MED13L: variants seen among roughly 807,000 people sequenced by gnomAD.
MED13L encodes mediator of RNA polymerase II transcription subunit 13-like.
A neutral mutation model predicts 220.9 loss-of-function variants in MED13L; 7 were observed. That is an observed-to-expected ratio of 0.03 (90% CI 0.02 to 0.06). The LOEUF is 0.06. MED13L is among the 10% of genes least tolerant of loss of function. The probability of loss-of-function intolerance (pLI) is 1.00; values close to 1 mark genes in which losing one functional copy is unlikely to be tolerated. For synonymous variants in MED13L, 1,011 were observed against 1,015.2 expected, an observed-to-expected ratio of 1.00 and a Z score of 0.08; for missense variants, 1,965 against 2,760.5, an observed-to-expected ratio of 0.71 and a Z score of 6.46.
intron 4 of MED13L, among the ~76,000 whole-genome samples, chr12:116,063,461 T>C (rs1869670753): frequency 2.0e-5 from 3 of 152,166 alleles, no homozygotes; most frequent in Non-Finnish European, 4.4e-5. Context: ...CAGGCTACAG[T>C]GAGCTGTGAT....
At chr12:116,127,813 C>T (rs1274538688) in intron 2 of MED13L, among the ~76,000 whole-genome samples, 1 of 152,182 alleles carries the variant, frequency 6.6e-6, no homozygotes, top group African/African-American at 2.4e-5. Flanking sequence ...ATCGTAGCAT[C>T]CTGCCTCTTA....
intron 2 of MED13L, among the ~76,000 whole-genome samples, chr12:116,151,483 T>G (rs1037073799): frequency 7.2e-5 from 11 of 152,230 alleles, no homozygotes; most frequent in Non-Finnish European, 1.5e-4. Flanking sequence ...AAAACTCCTT[T>G]GTTACAGTGA....
At chr12:116,067,670 G>C (rs1870051440) in intron 4 of MED13L, among the ~76,000 whole-genome samples, 1 of 152,184 alleles carries the variant, frequency 6.6e-6, no homozygotes, top group Admixed American at 6.5e-5. Context: ...TGCTGTAGGA[G>C]TGAAAGGCAC....
At chr12:116,150,408 C>T (rs376505431) in intron 2 of MED13L, among the ~76,000 whole-genome samples, 1 of 152,202 alleles carries the variant, frequency 6.6e-6, no homozygotes, top group Admixed American at 6.5e-5. Flanking sequence ...TTCTACTCTT[C>T]TTGTTACATC....
chr12:116,048,077 AC>A (rs1881945989), intron 4 of MED13L, among the ~76,000 whole-genome samples: 1 of 151,918 alleles, frequency 6.6e-6, no homozygotes, highest in South Asian at 2.1e-4. Flanking sequence ...TGTGTGTCGA[AC>A]TACACCATGC....
chr12:116,070,168 T>C (rs1403809042), intron 4 of MED13L, among the ~76,000 whole-genome samples: 2 of 152,200 alleles, frequency 1.3e-5, no homozygotes, highest in Non-Finnish European at 2.9e-5. Context: ...GCAGGAGCTA[T>C]TATAAGACAG....
chr12:116,131,083 T>C (rs1876028277), intron 2 of MED13L, among the ~76,000 whole-genome samples: 1 of 152,182 alleles, frequency 6.6e-6, no homozygotes, highest in Non-Finnish European at 1.5e-5. Context: ...CAATCTGAAG[T>C]TACAACAACC....
intron 17 of MED13L, 39 bp from the exon 18 acceptor site, chr12:115,987,327 G>GT (rs1454898614): frequency 6.3e-7 from 1 of 1,581,258 alleles, no homozygotes; most frequent in East Asian, 2.3e-5. Flanking sequence ...AGATAAGGGG[G>GT]CTAGCACCCT....
At chr12:116,163,557 G>T (rs1879038957) in intron 2 of MED13L, among the ~76,000 whole-genome samples, 2 of 151,898 alleles carry the variant, frequency 1.3e-5, no homozygotes, top group South Asian at 4.2e-4. Context: ...TAGAGACAGG[G>T]TTTCACCATG....
At chr12:116,194,019 G>T (rs931160827) in intron 2 of MED13L, among the ~76,000 whole-genome samples, 4 of 152,018 alleles carry the variant, frequency 2.6e-5, no homozygotes, top group Admixed American at 2.0e-4. Context: ...AACTTTACCA[G>T]AACCTAAATA....
chr12:116,131,589 C>CTA (rs1241821799), intron 2 of MED13L, among the ~76,000 whole-genome samples: 2 of 152,166 alleles, frequency 1.3e-5, no homozygotes, highest in Non-Finnish European at 2.9e-5. Context: ...ATGAAACTCT[C>CTA]TAGGTTTTAG....
At chr12:116,183,803 GGTGTGTGTGTGTGTGTATGT>G (rs1285236519) in intron 2 of MED13L, among the ~76,000 whole-genome samples, 1 of 110,092 alleles carries the variant, frequency 9.1e-6, no homozygotes, top group Non-Finnish European at 1.9e-5. Context: ...TAGAAAAAAT[GGTGTGTGTGTGTGTGTATGT>G]GTGTGTGTGT....
chr12:116,154,524 T>C (rs900667959), intron 2 of MED13L, among the ~76,000 whole-genome samples: 2 of 152,198 alleles, frequency 1.3e-5, no homozygotes, highest in African/African-American at 4.8e-5. Flanking sequence ...TCCCATGTTG[T>C]GAGATCAAAC....
intron 27 of MED13L, 58 bp downstream of exon 27, chr12:115,970,536 A>G (rs1342998930): frequency 8.3e-6 from 13 of 1,567,830 alleles, no homozygotes; most frequent in Non-Finnish European, 1.1e-5. Context: ...CAGTGATTCC[A>G]TACTCCGGCT....
intron 2 of MED13L, among the ~76,000 whole-genome samples, chr12:116,114,377 C>A (rs1874344736): frequency 6.6e-6 from 1 of 152,186 alleles, no homozygotes; most frequent in Non-Finnish European, 1.5e-5. Flanking sequence ...TGAGCATGCA[C>A]AGGCAATGCC....
intron 2 of MED13L, among the ~76,000 whole-genome samples, chr12:116,217,177 CAT>C (rs1250079811): frequency 2.0e-5 from 3 of 152,152 alleles, no homozygotes; most frequent in Admixed American, 6.5e-5. Flanking sequence ...CAGCATGACA[CAT>C]GAGCATGACC....
intron 1 of MED13L, among the ~76,000 whole-genome samples, chr12:116,245,411 C>T (rs1871016290): frequency 6.6e-6 from 1 of 152,150 alleles, no homozygotes; most frequent in African/African-American, 2.4e-5. Context: ...AAATTCCAAG[C>T]AGATTCTTAG....
intron 7 of MED13L, among the ~76,000 whole-genome samples, chr12:116,018,897 TAAA>T (rs1303750002): frequency 1.8e-5 from 2 of 111,628 alleles, no homozygotes; most frequent in South Asian, 5.5e-4. Flanking sequence ...TGTTCAAAAT[TAAA>T]AAAAAAAAAA....
intron 2 of MED13L, among the ~76,000 whole-genome samples, chr12:116,189,704 C>G (rs1881141731): frequency 6.6e-6 from 1 of 152,160 alleles, no homozygotes; most frequent in Admixed American, 6.5e-5. Flanking sequence ...GGATGTGCAA[C>G]CACTCCAATA....
Sources: gnomAD v4.1 joint callset for allele counts (sites outside exome capture counted in the v4.1 genomes callset) on GRCh38, gnomAD v4.1.1 for gene constraint, MANE v1.5 for transcripts, NCBI Gene and HGNC (gene_info 2026-07-23, HGNC 2026-07-21) for gene names.